The following CHST9 variants were observed in gnomAD, a reference collection of about 807,000 sequenced individuals.
CHST9 encodes GalNAc-4-sulfotransferase 2.
CHST9 carries 41 observed loss-of-function variants against 44.4 expected under a neutral mutation model. That is an observed-to-expected ratio of 0.92 (90% CI 0.72 to 1.20). CHST9 has a LOEUF of 1.20. Ranked by LOEUF, CHST9 falls within the 50% of genes most tolerant of loss-of-function variation. The probability of loss-of-function intolerance (pLI) is 0.00; values close to 1 mark genes in which losing one functional copy is unlikely to be tolerated. For synonymous variants in CHST9, 171 were observed against 178.4 expected (o/e 0.96, Z 0.33); for missense variants, 504 against 516.5 (o/e 0.98, Z 0.23).
In CHST9 at chr18:26,914,166, C is replaced by T. The variant is rs2055479415; in HGVS notation, c.*2093G>A. The T allele has an allele frequency of 6.6e-6, 1 of 152,156 alleles. No homozygotes were observed. Among genetic ancestry groups the T allele is most frequent in the African/African-American group, 2.4e-5 (1 of 41,440 alleles). 9.4% of individuals were successfully genotyped at this position (152,156 alleles called of 1,614,324 possible). A position where few individuals can be genotyped will look rare whatever the true frequency, so the allele number is the denominator to read the frequency against. On this transcript the variant is annotated 3_prime_UTR_variant, in exon 6 of 6. Coordinates refer to ENST00000618847, the MANE Select transcript of CHST9 (RefSeq NM_031422.6). ...CCTCCTCTCCACCATCAAAGCCAAA[C>T]ATTTATATAGGTATGCATTCCACCC... is the stretch of plus-strand genomic sequence containing the variant.
chr18:26,968,886 C>T (rs1435539874), intron 4 of CHST9, among the ~76,000 whole-genome samples: 1 of 152,110 alleles, frequency 6.6e-6, no homozygotes, highest in Admixed American at 6.6e-5. Context: ...TTGATTGAAA[C>T]ATCTATCTTT....
intron 2 of CHST9, among the ~76,000 whole-genome samples, chr18:27,050,143 A>T (rs2057548420): frequency 6.6e-6 from 1 of 152,168 alleles, no homozygotes; most frequent in African/African-American, 2.4e-5. Context: ...TTGGGAAGTA[A>T]GTGTGTGATG....
chr18:27,067,816 T>C (rs1203986299), intron 2 of CHST9, among the ~76,000 whole-genome samples: 1 of 152,186 alleles, frequency 6.6e-6, no homozygotes, highest in African/African-American at 2.4e-5. Flanking sequence ...TATCATTTTA[T>C]TGCAGCCACA....
intron 1 of CHST9, among the ~76,000 whole-genome samples, chr18:27,181,112 T>G (rs761719716): frequency 3.9e-5 from 6 of 152,284 alleles, no homozygotes; most frequent in Non-Finnish European, 7.4e-5. Flanking sequence ...CTGTGAATAT[T>G]TGAAATAAAA....
At chr18:27,157,812 A>C (rs184853616) in intron 1 of CHST9, among the ~76,000 whole-genome samples, 2 of 152,228 alleles carry the variant, frequency 1.3e-5, no homozygotes, top group African/African-American at 4.8e-5. Context: ...AATACAAAAC[A>C]TGTAAAAAAA....
intron 4 of CHST9, among the ~76,000 whole-genome samples, chr18:27,011,849 G>T (rs1354143950): frequency 6.6e-6 from 1 of 152,168 alleles, no homozygotes; most frequent in Non-Finnish European, 1.5e-5. Flanking sequence ...TTCCCACAAG[G>T]CCAGCAGGTG....
In CHST9 at chr18:27,034,879, G is replaced by T. The variant is rs2057375506; in HGVS notation, c.161-10722C>A. 2.0e-5 allele frequency among the ~76,000 whole-genome samples: 3 copies of T among 152,268 alleles called. No individual in the cohort carries two copies. In the South Asian group the frequency reaches 6.2e-4, roughly 32 times the overall value. ...TGTGTTCTTTTTTAACTAAAAAATTGAAAGTGGAAAAAGTTGAAAGCTTTT... is the reference window on the plus strand; with the variant it reads ...TGTGTTCTTTTTTAACTAAAAAATTTAAAGTGGAAAAAGTTGAAAGCTTTT... On this transcript the variant is annotated intron_variant, in intron 3 of 5. Coordinates refer to ENST00000618847, the MANE Select transcript of CHST9 (RefSeq NM_031422.6).
At chr18:27,159,611 T>C (rs1033047051) in intron 1 of CHST9, among the ~76,000 whole-genome samples, 9 of 152,216 alleles carry the variant, frequency 5.9e-5, no homozygotes, top group Admixed American at 4.6e-4. Context: ...TGGTTCCATA[T>C]GAACTTTAAA....
intron 2 of CHST9, among the ~76,000 whole-genome samples, chr18:27,135,008 T>C (rs543692278): frequency 3.7e-4 from 57 of 152,312 alleles, no homozygotes; most frequent in Non-Finnish European, 6.6e-4. Flanking sequence ...TATTATACTG[T>C]ATATTTTCAA....
At chr18:27,136,222 T>G (rs1052399793) in intron 2 of CHST9, among the ~76,000 whole-genome samples, 2 of 152,172 alleles carry the variant, frequency 1.3e-5, no homozygotes, top group Non-Finnish European at 2.9e-5. Context: ...GGAGATACCA[T>G]AGTTTATCCA....
intron 2 of CHST9, among the ~76,000 whole-genome samples, chr18:27,108,251 T>C (rs1180869454): frequency 6.6e-6 from 1 of 152,170 alleles, no homozygotes; most frequent in Non-Finnish European, 1.5e-5. Context: ...AATACATGTC[T>C]CTGCTGAGGT....
chr18:27,151,738 G>A (rs2058661200), intron 1 of CHST9, among the ~76,000 whole-genome samples: 1 of 152,128 alleles, frequency 6.6e-6, no homozygotes, highest in African/African-American at 2.4e-5. Context: ...GGGAATGTAG[G>A]TGGCCTCTAG....
chr18:27,058,865 G>A (rs1006542251), intron 2 of CHST9, among the ~76,000 whole-genome samples: 2 of 152,080 alleles, frequency 1.3e-5, no homozygotes, highest in African/African-American at 2.4e-5. Context: ...ATTAGGTTTT[G>A]TCATACTTGG....
Position 26,917,178 on chromosome 18 carries a change from C to T in CHST9, c.413G>A (p.Gly138Glu), listed in dbSNP as rs781652444. Residue 138 changes from glycine to glutamate, a missense_variant, in exon 6 of 6, where the codon GGA (glycine) becomes GAA (glutamate). Physicochemically the swap from Gly to Glu is moderately conservative, Grantham distance 98. Transcript: ENST00000618847. ...GAACTTGTTAAAAACAGTCTTAGCTCCTTGACGTTTTTCAATCAACTTCTC... is the reference window on the plus strand; with the variant it reads ...GAACTTGTTAAAAACAGTCTTAGCTTCTTGACGTTTTTCAATCAACTTCTC... ...PTEKLIEKRQ[G>E]AKTVFNKFSN... 11 of 1,613,756 alleles carry T rather than the reference C, an allele frequency of 6.8e-6. No individual in the cohort carries two copies. The African/African-American group carries it at 1.3e-4, about 20-fold the overall frequency.
intron 3 of CHST9, among the ~76,000 whole-genome samples, chr18:27,047,824 C>CTAT: frequency 6.6e-6 from 1 of 152,116 alleles, no homozygotes; most frequent in Non-Finnish European, 1.5e-5. Context: ...AACACTGCTC[C>CTAT]TATGCAAAGA....
chr18:27,057,828 T>C (rs2057675505), intron 2 of CHST9, among the ~76,000 whole-genome samples: 2 of 152,234 alleles, frequency 1.3e-5, no homozygotes, highest in South Asian at 4.1e-4. Flanking sequence ...GGCTGACCTC[T>C]CTGTAAAGAA....
At chr18:27,145,702 G>A (rs2143879870) in intron 1 of CHST9, among the ~76,000 whole-genome samples, 1 of 152,340 alleles carries the variant, frequency 6.6e-6, no homozygotes, top group Non-Finnish European at 1.5e-5. Flanking sequence ...AGAGCCGAGA[G>A]TATTATCATA....
intron 4 of CHST9, among the ~76,000 whole-genome samples, chr18:26,982,814 G>A (rs766818697): frequency 2.6e-5 from 4 of 151,918 alleles, no homozygotes; most frequent in African/African-American, 4.8e-5. Flanking sequence ...TCTTTTCCAC[G>A]TGATAGTTCT....
At chr18:27,147,428 G>A (rs948993136) in intron 1 of CHST9, among the ~76,000 whole-genome samples, 1 of 152,108 alleles carries the variant, frequency 6.6e-6, no homozygotes, top group Non-Finnish European at 1.5e-5. Context: ...TGGACCAAAT[G>A]ATGCAGGCAG....
Sources: allele counts gnomAD v4.1 joint callset (sites outside exome capture counted in the v4.1 genomes callset), GRCh38; gene constraint gnomAD v4.1.1; transcripts MANE v1.5; gene names NCBI Gene and HGNC (gene_info 2026-07-23, HGNC 2026-07-21).